RAB38: variants seen among roughly 807,000 people sequenced by gnomAD.
RAB38 encodes the protein ras-related protein Rab-38.
RAB38 carries 15 observed loss-of-function variants against 18.4 expected under a neutral mutation model. The ratio of observed to expected loss-of-function variants is 0.82; its 90% CI spans 0.55 to 1.26. The LOEUF is 1.26. RAB38 is among the 50% of genes most tolerant of loss of function. The pLI is 0.00. For missense variants in RAB38, 294 were observed against 267.4 expected, an observed-to-expected ratio of 1.10 and a Z score of -0.69; for synonymous variants, 101 against 104.4, an observed-to-expected ratio of 0.97 and a Z score of 0.20.
chr11:87,869,721 T>C, the RAB38 span, among the ~76,000 whole-genome samples: 4 of 151,646 alleles, frequency 2.6e-5, no homozygotes, highest in Admixed American at 2.0e-4. Context: ...TGTATTCCCT[T>C]ATGTTTTCTT....
chr11:87,977,839 G>A, the RAB38 span, among the ~76,000 whole-genome samples: 96,250 of 96,770 alleles, frequency 0.99, 47,865 homozygotes, highest in Middle Eastern at 1. Flanking sequence ...ATATAATCAT[G>A]TATATTAATG....
intron 2 of RAB38, among the ~76,000 whole-genome samples, chr11:88,137,130 C>CATGT (rs1362169553): frequency 1.3e-5 from 2 of 152,206 alleles, no homozygotes; most frequent in African/African-American, 4.8e-5. Context: ...CAACAACTGA[C>CATGT]ATGTAGTCCC....
At chr11:88,099,187 AATTT>A in the RAB38 span, among the ~76,000 whole-genome samples, 7 of 151,912 alleles carry the variant, frequency 4.6e-5, no homozygotes, top group African/African-American at 9.7e-5. Flanking sequence ...TAGAATGAGG[AATTT>A]ATTTATGCAG....
At chr11:87,949,839 TGTG>T in the RAB38 span, among the ~76,000 whole-genome samples, 1 of 152,176 alleles carries the variant, frequency 6.6e-6, no homozygotes, top group Non-Finnish European at 1.5e-5. Context: ...GTAGGTGTGG[TGTG>T]GTGCTGAGAA....
At chr11:87,926,877 G>T in the RAB38 span, among the ~76,000 whole-genome samples, 40 of 152,108 alleles carry the variant, frequency 2.6e-4, no homozygotes, top group African/African-American at 9.1e-4. Context: ...GGAAACCCTG[G>T]CTAGGCTAGT....
the RAB38 span, among the ~76,000 whole-genome samples, chr11:88,047,157 T>A: frequency 6.6e-6 from 1 of 152,198 alleles, no homozygotes; most frequent in East Asian, 1.9e-4. Context: ...ACCTGACACA[T>A]ATACTTTCTG....
the RAB38 span, among the ~76,000 whole-genome samples, chr11:88,079,249 A>T: frequency 6.6e-6 from 1 of 151,884 alleles, no homozygotes; most frequent in Non-Finnish European, 1.5e-5. Flanking sequence ...AGGAAACAGC[A>T]TTATAAGTCC....
the RAB38 span, among the ~76,000 whole-genome samples, chr11:88,006,563 T>TTA: frequency 4.1e-5 from 6 of 147,428 alleles, no homozygotes; most frequent in South Asian, 8.4e-4. Flanking sequence ...AAAGAATACA[T>TTA]TATATATATA....
chr11:87,963,689 C>A, the RAB38 span, among the ~76,000 whole-genome samples: 1 of 150,992 alleles, frequency 6.6e-6, no homozygotes, highest in East Asian at 2.0e-4. Context: ...CTCTGTTGCC[C>A]AGGCTGGAGT....
the RAB38 span, among the ~76,000 whole-genome samples, chr11:87,951,174 G>T: frequency 1.3e-5 from 2 of 152,066 alleles, no homozygotes; most frequent in African/African-American, 4.8e-5. Context: ...CCAGTTGATC[G>T]CATCGGCTCC....
chr11:88,084,671 T>C, the RAB38 span, among the ~76,000 whole-genome samples: 2 of 151,894 alleles, frequency 1.3e-5, no homozygotes, highest in Admixed American at 6.6e-5. Flanking sequence ...TCTCTCCTCA[T>C]ATAACAGCTC....
chr11:87,949,875 G>C, the RAB38 span, among the ~76,000 whole-genome samples: 81 of 152,276 alleles, frequency 5.3e-4, no homozygotes, highest in African/African-American at 1.9e-3. Flanking sequence ...TGTTGATTTG[G>C]GGTGGAGAGT....
the RAB38 span, among the ~76,000 whole-genome samples, chr11:87,867,917 C>T: frequency 6.6e-6 from 1 of 151,700 alleles, no homozygotes; most frequent in East Asian, 2.0e-4. Flanking sequence ...GTCACCTGGC[C>T]CTAATCTGAG....
chr11:88,148,983 G>A (rs1943027594), intron 2 of RAB38, among the ~76,000 whole-genome samples: 1 of 151,662 alleles, frequency 6.6e-6, no homozygotes, highest in Non-Finnish European at 1.5e-5. Flanking sequence ...AAAGAGAGTA[G>A]AACAAAAGCC....
At chr11:87,902,372 T>C in the RAB38 span, among the ~76,000 whole-genome samples, 53 of 151,708 alleles carry the variant, frequency 3.5e-4, no homozygotes, top group Middle Eastern at 3.4e-3. Context: ...CTCTCTCCCA[T>C]TGAATTGTTT....
chr11:88,028,121 T>C, the RAB38 span, among the ~76,000 whole-genome samples: 12 of 152,108 alleles, frequency 7.9e-5, no homozygotes, highest in Non-Finnish European at 1.5e-4. Flanking sequence ...GCAAACAGGG[T>C]CTGGAGTGGA....
the RAB38 span, among the ~76,000 whole-genome samples, chr11:87,860,107 T>C: frequency 6.6e-6 from 1 of 151,976 alleles, no homozygotes; most frequent in Non-Finnish European, 1.5e-5. Context: ...GTGATTTAGA[T>C]TCCATTACTA....
In RAB38 at chr11:88,175,281, G is replaced by A. The variant is rs748639552; in HGVS notation, c.104C>T (p.Ser35Phe). ...IIKRYVHQNF[S>F]SHYRATIGVD... is the part of the protein sequence containing the mutation. The stretch of plus-strand genomic sequence containing the variant: ...GCCGATTGTGGCCCGGTAGTGCGAA[G>A]AGAAGTTCTGGTGCACGTAGCGCTT... The change falls in exon 1 of 3, where the codon TCT becomes TTT. Residue 35 changes from serine (S) to phenylalanine (F), a missense_variant. Coordinates refer to ENST00000243662, the MANE Select transcript of RAB38 (RefSeq NM_022337.3). 6.2e-7 allele frequency: 1 copy of A among 1,614,206 alleles called. No homozygotes were observed.
chr11:88,073,274 C>T, the RAB38 span, among the ~76,000 whole-genome samples: 19 of 152,128 alleles, frequency 1.2e-4, no homozygotes, highest in African/African-American at 4.3e-4. Context: ...AAGGAGACAT[C>T]GAAGTGGATG....
Sources: gnomAD v4.1 joint callset for allele counts (sites outside exome capture counted in the v4.1 genomes callset) on GRCh38, gnomAD v4.1.1 for gene constraint, MANE v1.5 for transcripts, NCBI Gene and HGNC (gene_info 2026-07-23, HGNC 2026-07-21) for gene names.